The following CDH12 variants were observed in gnomAD, a reference collection of about 807,000 sequenced individuals.
CDH12 encodes the protein cadherin 12.
In CDH12, 41 loss-of-function variants were observed where a neutral mutation model predicts 74.1. That is an observed-to-expected ratio of 0.55 (90% CI 0.43 to 0.72). The LOEUF is 0.72. CDH12 is among the 30% of genes least tolerant of loss of function. The pLI is 0.00. For missense variants in CDH12, 945 were observed against 977.2 expected (o/e 0.97, Z 0.44); for synonymous variants, 399 against 355.0 (o/e 1.12, Z -1.39).
chr5:22,302,086 T>A (rs971168758), intron 3 of CDH12, among the ~76,000 whole-genome samples: 7 of 152,104 alleles, frequency 4.6e-5, no homozygotes, highest in African/African-American at 7.2e-5. Context: ...AACAATTATA[T>A]TTTTAGTTTT....
At chr5:22,460,865 C>A (rs1025555205) in intron 2 of CDH12, among the ~76,000 whole-genome samples, 1 of 148,782 alleles carries the variant, frequency 6.7e-6, no homozygotes, top group African/African-American at 2.5e-5. Flanking sequence ...GGATTACAGG[C>A]GCCTGCCACC....
At position 22,156,550 on chromosome 5, in the gene CDH12, GA is replaced by G. The variant is rs909636553; in HGVS notation, c.-187+55947del. On this transcript the variant is annotated intron_variant, in intron 4 of 14. Transcript: ENST00000382254. ...ATATTTGCTGTCTTTAAATCATTGA[GA>G]AAAAAAAGACTACATGTGTCATTTA... 1.8e-4 allele frequency among the ~76,000 whole-genome samples: 28 copies of G among 151,502 alleles called. 1 individual carries two copies. The Middle Eastern group carries it at 0.01, about 56-fold the overall frequency.
At chr5:22,258,548 TAA>T (rs1303228097) in intron 3 of CDH12, among the ~76,000 whole-genome samples, 2 of 142,552 alleles carry the variant, frequency 1.4e-5, no homozygotes, top group African/African-American at 2.6e-5. Flanking sequence ...TGTTAAAAGT[TAA>T]AAAAAAAAAA....
intron 2 of CDH12, among the ~76,000 whole-genome samples, chr5:22,438,527 G>A (rs542047547): frequency 4.6e-5 from 7 of 152,094 alleles, no homozygotes; most frequent in Non-Finnish European, 8.8e-5. Flanking sequence ...GACTTACACT[G>A]TCTAATATGG....
chr5:21,816,554 T>C (rs887825404), intron 9 of CDH12, among the ~76,000 whole-genome samples: 11 of 133,948 alleles, frequency 8.2e-5, no homozygotes, highest in Non-Finnish European at 1.2e-4. Context: ...GAAACTGGGA[T>C]GCAGAGTTTG....
intron 1 of CDH12, among the ~76,000 whole-genome samples, chr5:22,792,354 G>C (rs1432250742): frequency 6.6e-6 from 1 of 152,144 alleles, no homozygotes; most frequent in African/African-American, 2.4e-5. Flanking sequence ...CTCCCAAAGT[G>C]CTGGGACTGC....
chr5:22,209,291 C>T (rs1406003124), intron 4 of CDH12, among the ~76,000 whole-genome samples: 1 of 152,144 alleles, frequency 6.6e-6, no homozygotes, highest in African/African-American at 2.4e-5. Context: ...TACACTAAAC[C>T]TCTGTGGACA....
At chr5:22,751,696 A>G (rs1054090127) in intron 1 of CDH12, among the ~76,000 whole-genome samples, 8 of 152,162 alleles carry the variant, frequency 5.3e-5, no homozygotes, top group African/African-American at 1.9e-4. Context: ...GTGTTCACTG[A>G]TATTTCTGAA....
In CDH12 at chr5:22,534,518, T is replaced by C. The variant is rs1306901557; in HGVS notation, c.-522-29154A>G. Among the ~76,000 whole-genome samples, 3 of 152,306 alleles carry C rather than the reference T, an allele frequency of 2.0e-5. No homozygotes were observed. The East Asian group carries it at 5.8e-4, about 29-fold the overall frequency. On this transcript the variant is annotated intron_variant, in intron 1 of 14. Transcript: ENST00000382254. ...CTAATCTCATCCAGGTTGCTGCGAA[T>C]GCCATTATCCTACTCAGCCACAAGC... is the stretch of plus-strand genomic sequence containing the variant.
At chr5:22,435,206 A>C (rs184630347) in intron 2 of CDH12, among the ~76,000 whole-genome samples, 12 of 151,826 alleles carry the variant, frequency 7.9e-5, no homozygotes, top group African/African-American at 2.7e-4. Context: ...AAAAATGTGA[A>C]AAGGCTACAC....
rs527605815 is a variant in CDH12, at chr5:22,464,327, T to C, written c.-428+40943A>G. Among the ~76,000 whole-genome samples the C allele has an allele frequency of 5.3e-5, 8 of 152,336 alleles. No homozygotes were observed. In the South Asian group the frequency reaches 1.2e-3, roughly 24 times the overall value. On this transcript the variant is annotated intron_variant, in intron 2 of 14. Transcript: ENST00000382254. ...TATCAGCAGTGTGAAAATGGACTAA[T>C]ATGCCATTAAAGTACAAATATTGTC... is the stretch of plus-strand genomic sequence containing the variant.
chr5:22,846,855 C>T (rs1737326373), intron 1 of CDH12, among the ~76,000 whole-genome samples: 1 of 152,158 alleles, frequency 6.6e-6, no homozygotes, highest in South Asian at 2.1e-4. Flanking sequence ...CTCTTTCCCT[C>T]ATCACTGGTG....
intron 1 of CDH12, among the ~76,000 whole-genome samples, chr5:22,505,921 G>A (rs1450299696): frequency 6.6e-6 from 1 of 152,018 alleles, no homozygotes; most frequent in Admixed American, 6.6e-5. Flanking sequence ...TCATATCAAG[G>A]GTATGTGTGT....
At chr5:21,820,299 T>G (rs1181258025) in intron 8 of CDH12, among the ~76,000 whole-genome samples, 1 of 152,056 alleles carries the variant, frequency 6.6e-6, no homozygotes, top group Non-Finnish European at 1.5e-5. Flanking sequence ...GGGTGTTTTG[T>G]TTTAAGTTGT....
At chr5:22,689,312 C>T (rs1403700567) in intron 1 of CDH12, among the ~76,000 whole-genome samples, 11 of 152,096 alleles carry the variant, frequency 7.2e-5, no homozygotes, top group Admixed American at 5.9e-4. Context: ...TGTCATAATG[C>T]TTTTGGCCCT....
At chr5:22,707,073 T>C (rs1295311068) in intron 1 of CDH12, among the ~76,000 whole-genome samples, 3 of 152,152 alleles carry the variant, frequency 2.0e-5, no homozygotes, top group Non-Finnish European at 4.4e-5. Flanking sequence ...TGGACTCTCA[T>C]TGTGGATGCA....
In CDH12 at chr5:22,221,702, C is replaced by T. The variant is rs114392443; in HGVS notation, c.-332-9059G>A. ...TGATTCCAGCAGCTGCTACCCCCAT[C>T]CCCCATGTCCTATTGATAGTGGTCA... On this transcript the variant is annotated intron_variant, in intron 3 of 14. Transcript: ENST00000382254. 9.0e-3 allele frequency among the ~76,000 whole-genome samples: 1,371 copies of T among 151,912 alleles called. 10 individuals are homozygous for T. Among genetic ancestry groups the T allele is most frequent in the Non-Finnish European group, 0.013 (879 of 67,844 alleles).
At chr5:22,553,089 A>C (rs1447046019) in intron 1 of CDH12, among the ~76,000 whole-genome samples, 1 of 152,142 alleles carries the variant, frequency 6.6e-6, no homozygotes, top group Non-Finnish European at 1.5e-5. Flanking sequence ...AATAAACAAA[A>C]GATAAATAAG....
intron 1 of CDH12, among the ~76,000 whole-genome samples, chr5:22,685,299 G>GTT (rs1365657900): frequency 3.3e-5 from 5 of 151,914 alleles, no homozygotes; most frequent in African/African-American, 1.2e-4. Context: ...GTTCAGTGGT[G>GTT]CGGTCTTGGC....
Sources: allele counts gnomAD v4.1 joint callset (sites outside exome capture counted in the v4.1 genomes callset), GRCh38; gene constraint gnomAD v4.1.1; transcripts MANE v1.5; gene names NCBI Gene and HGNC (gene_info 2026-07-23, HGNC 2026-07-21).